Variants in UNC13B observed in about 807,000 individuals in gnomAD.
UNC13B encodes the protein unc-13 homolog B.
A neutral mutation model predicts 211.0 loss-of-function variants in UNC13B; 144 were observed. The observed-to-expected ratio is 0.68, with a 90% CI of 0.60 to 0.78. The LOEUF (loss-of-function observed/expected upper bound fraction) is 0.78. UNC13B is among the 30% of genes least tolerant of loss of function. UNC13B has a pLI of 0.00. For synonymous variants in UNC13B, 709 were observed against 725.8 expected (o/e 0.98, Z 0.37); for missense variants, 1,777 against 2,002.0 (o/e 0.89, Z 2.14).
chr9:35,335,174 A>G (rs1308090892), intron 11 of UNC13B, among the ~76,000 whole-genome samples: 1 of 152,246 alleles, frequency 6.6e-6, no homozygotes, highest in African/African-American at 2.4e-5. Context: ...GATTAGGGTG[A>G]TCAGAGAAGT....
At chr9:35,387,834 T>C (rs965459915) in intron 24 of UNC13B, among the ~76,000 whole-genome samples, 28 of 152,214 alleles carry the variant, frequency 1.8e-4, no homozygotes, top group African/African-American at 6.8e-4. Flanking sequence ...TCAGGGCAAA[T>C]TACTACATTT....
intron 7 of UNC13B, among the ~76,000 whole-genome samples, chr9:35,287,871 G>C (rs1430887022): frequency 1.3e-5 from 2 of 151,628 alleles, no homozygotes; most frequent in Non-Finnish European, 2.9e-5. Context: ...ATGTTCATTT[G>C]AGATGTTCCA....
At chr9:35,349,444 C>T (rs541409211) in intron 11 of UNC13B, among the ~76,000 whole-genome samples, 37 of 151,752 alleles carry the variant, frequency 2.4e-4, no homozygotes, top group Non-Finnish European at 4.1e-4. Context: ...GACTTTGGAG[C>T]GTGGTCTACC....
At chr9:35,291,158 A>G (rs911255289) in intron 7 of UNC13B, 21 of 1,502,148 alleles carry the variant, frequency 1.4e-5, no homozygotes, top group Non-Finnish European at 1.8e-5. Flanking sequence ...CACAAAGTAC[A>G]TACTCCCTCT....
chr9:35,252,137 A>T (rs1047561064), intron 6 of UNC13B, among the ~76,000 whole-genome samples: 1 of 152,186 alleles, frequency 6.6e-6, no homozygotes, highest in Non-Finnish European at 1.5e-5. Context: ...TGAAAAGTGC[A>T]TCTATTAGTT....
Position 35,370,404 on chromosome 9 carries a change from A to G in UNC13B, c.9540+8A>G, listed in dbSNP as rs1278908023. 3.1e-6 allele frequency: 5 copies of G among 1,613,362 alleles called. No homozygotes were observed. In the Admixed American group the frequency reaches 6.7e-5, roughly 22 times the overall value. ...CCACTTGTCAGTGATCTGGTGAGTG[A>G]AGACTCTTGTGCAGGCATAGGCAGT... is the stretch of plus-strand genomic sequence containing the variant. On this transcript the variant is annotated splice_region_variant and intron_variant, in intron 13 of 39. Coordinates refer to ENST00000635942, the MANE Select transcript of UNC13B (RefSeq NM_001371189.2).
At chr9:35,385,527 C>T in intron 22 of UNC13B, 197 bp from the exon 23 acceptor site, 2 of 985,338 alleles carry the variant, frequency 2.0e-6, no homozygotes, top group Non-Finnish European at 1.2e-6. Flanking sequence ...AGTATTAACC[C>T]CTGCTTTTGG....
Position 35,236,461 on chromosome 9 carries a change from TC to T in UNC13B, c.153-5del, listed in dbSNP as rs1488350702. The T allele has an allele frequency of 6.2e-7, 1 of 1,610,664 alleles. No individual in the cohort carries two copies. Among genetic ancestry groups the T allele is most frequent in the Non-Finnish European group, 8.5e-7 (1 of 1,177,166 alleles). The stretch of plus-strand genomic sequence containing the variant: ...GCTTTCCTCAAAGGGCTTTCCTCTT[TC>T]CCTTAGTGAGATTAGTCGCCTGGAC... On this transcript the variant is annotated splice_region_variant and splice_polypyrimidine_tract_variant and intron_variant, in intron 3 of 39. Coordinates refer to ENST00000635942, the MANE Select transcript of UNC13B (RefSeq NM_001371189.2).
At chr9:35,183,502 C>T (rs1461841961) in intron 1 of UNC13B, among the ~76,000 whole-genome samples, 2 of 125,194 alleles carry the variant, frequency 1.6e-5, no homozygotes, top group South Asian at 2.8e-4. Context: ...ACCTCCCAGA[C>T]GGGGCGGCCG....
chr9:35,205,344 C>T (rs1293307925), intron 1 of UNC13B, among the ~76,000 whole-genome samples: 2 of 152,048 alleles, frequency 1.3e-5, no homozygotes, highest in African/African-American at 2.4e-5. Context: ...TATATACATG[C>T]CCTTTTGGTT....
At chr9:35,382,619 G>A (rs1467728338) in intron 21 of UNC13B, 112 bp downstream of exon 21, 8 of 1,328,482 alleles carry the variant, frequency 6.0e-6, no homozygotes, top group Non-Finnish European at 8.1e-6. Context: ...CTGGAGTACA[G>A]TGGCGTGGTC....
chr9:35,197,785 G>A (rs1303687290), intron 1 of UNC13B, among the ~76,000 whole-genome samples: 1 of 151,978 alleles, frequency 6.6e-6, no homozygotes, highest in African/African-American at 2.4e-5. Context: ...GCTCCAACCG[G>A]GTAAGATGTG....
intron 1 of UNC13B, among the ~76,000 whole-genome samples, chr9:35,221,746 C>T (rs1824576398): frequency 6.6e-6 from 1 of 152,102 alleles, no homozygotes; most frequent in African/African-American, 2.4e-5. Context: ...AAGATTTTCT[C>T]CTATGTTTTC....
intron 5 of UNC13B, 75 bp from the exon 6 acceptor site, chr9:35,243,216 G>C: frequency 7.0e-7 from 1 of 1,434,118 alleles, no homozygotes. Flanking sequence ...ATTAGACAGA[G>C]TAAAGTGTTA....
chr9:35,212,531 C>A (rs187793637), intron 1 of UNC13B, among the ~76,000 whole-genome samples: 1 of 152,252 alleles, frequency 6.6e-6, no homozygotes, highest in East Asian at 1.9e-4. Flanking sequence ...TGAGATTGTG[C>A]CACTGCACTC....
chr9:35,356,070 G>A (rs1833002364), intron 11 of UNC13B, among the ~76,000 whole-genome samples: 2 of 152,190 alleles, frequency 1.3e-5, no homozygotes, highest in Admixed American at 1.3e-4. Flanking sequence ...CAATAAGAAA[G>A]CAAGTCACAG....
At chr9:35,166,172 A>G (rs1466252152) in intron 1 of UNC13B, among the ~76,000 whole-genome samples, 1 of 152,160 alleles carries the variant, frequency 6.6e-6, no homozygotes, top group Admixed American at 6.5e-5. Flanking sequence ...ACTTGAGGAC[A>G]TGAGTTTGAG....
rs1836141472 is a variant in UNC13B, at chr9:35,399,514, G to A, written c.12255+66G>A. ...CTGAAGTCATGGAGAGAGGGTGGCT[G>A]CGGGGAAGGAAATTGGAGCTTTGGA... is the stretch of plus-strand genomic sequence containing the variant. On this transcript the variant is annotated intron_variant, in intron 35 of 39. Transcript: ENST00000635942. The A allele has an allele frequency of 5.6e-6, 9 of 1,610,708 alleles. No individual in the cohort carries two copies. In the Middle Eastern group the frequency reaches 5.0e-4, roughly 89 times the overall value.
intron 1 of UNC13B, among the ~76,000 whole-genome samples, chr9:35,218,282 A>T (rs565394694): frequency 6.6e-6 from 1 of 152,252 alleles, no homozygotes; most frequent in African/African-American, 2.4e-5. Context: ...ATAGGATTGT[A>T]GTTGACATGC....
Sources: gnomAD v4.1 joint callset for allele counts (sites outside exome capture counted in the v4.1 genomes callset) on GRCh38, gnomAD v4.1.1 for gene constraint, MANE v1.5 for transcripts, NCBI Gene and HGNC (gene_info 2026-07-23, HGNC 2026-07-21) for gene names.